The following SPOCK3 variants were observed in gnomAD, a reference collection of about 807,000 sequenced individuals.
SPOCK3 encodes the protein testican-3.
Under a neutral mutation model 56.6 loss-of-function variants are expected in SPOCK3, and 30 were observed. The ratio of observed to expected loss-of-function variants is 0.53; its 90% CI spans 0.40 to 0.72. The LOEUF is 0.72. Among genes scored for constraint, SPOCK3 ranks in the 30% least tolerant of loss-of-function variants. The probability of loss-of-function intolerance (pLI) is 0.00; values close to 1 mark genes in which losing one functional copy is unlikely to be tolerated. For missense variants in SPOCK3, 527 were observed against 530.0 expected (o/e 0.99, Z 0.06); for synonymous variants, 196 against 183.3 (o/e 1.07, Z -0.56).
chr4:166,929,484 G>A (rs1422570587), intron 4 of SPOCK3, among the ~76,000 whole-genome samples: 1 of 152,170 alleles, frequency 6.6e-6, no homozygotes, highest in Non-Finnish European at 1.5e-5. Flanking sequence ...GTTGGGATCA[G>A]TATTTTCTCC....
At chr4:166,982,593 A>G (rs367922641) in intron 4 of SPOCK3, among the ~76,000 whole-genome samples, 2 of 152,132 alleles carry the variant, frequency 1.3e-5, no homozygotes, top group East Asian at 3.9e-4. Flanking sequence ...AATAACTCCT[A>G]TAGGTGAAAA....
intron 2 of SPOCK3, among the ~76,000 whole-genome samples, chr4:167,206,861 AT>A (rs1734390356): frequency 6.6e-6 from 1 of 152,088 alleles, no homozygotes; most frequent in South Asian, 2.1e-4. Flanking sequence ...TAGAAAAAAA[AT>A]CTGTTATAGG....
At chr4:167,116,969 A>G (rs1660379967) in intron 2 of SPOCK3, among the ~76,000 whole-genome samples, 1 of 147,772 alleles carries the variant, frequency 6.8e-6, no homozygotes, top group Non-Finnish European at 1.5e-5. Context: ...ATCCCACCAT[A>G]GAGAAAATTA....
intron 2 of SPOCK3, among the ~76,000 whole-genome samples, chr4:167,210,112 T>TC (rs1734725452): frequency 6.6e-6 from 1 of 152,190 alleles, no homozygotes; most frequent in Non-Finnish European, 1.5e-5. Context: ...CTAACAATTT[T>TC]CAGTCTCCTC....
rs902639705 is a variant in SPOCK3, at chr4:166,742,019, C to A, written c.972G>T (p.Arg324=). 1.5e-5 allele frequency: 24 copies of A among 1,612,640 alleles called. No homozygotes were observed. Among genetic ancestry groups the A allele is most frequent in the Non-Finnish European group, 2.0e-5 (24 of 1,179,080 alleles). ...CQTELSNIQK[R]QGVKKLLGQY... ...CACCTAGGAGCTTCTTTACCCCTTG[C>A]CGCTTCTGAATATTGCTGAGCTCAG... Residue 324 remains arginine, a synonymous_variant, in exon 9 of 11, where the codon CGG becomes CGT. Transcript: ENST00000357545.
chr4:166,899,378 C>A (rs1409109369), intron 5 of SPOCK3, among the ~76,000 whole-genome samples: 2 of 151,794 alleles, frequency 1.3e-5, no homozygotes, highest in Non-Finnish European at 2.9e-5. Flanking sequence ...GCAGATGATA[C>A]CCTGTTGTTT....
intron 4 of SPOCK3, among the ~76,000 whole-genome samples, chr4:166,922,728 C>T (rs1459419061): frequency 1.3e-5 from 2 of 152,162 alleles, no homozygotes; most frequent in Admixed American, 6.5e-5. Flanking sequence ...TTCTGTTGAA[C>T]TCCACTTACA....
intron 4 of SPOCK3, among the ~76,000 whole-genome samples, chr4:166,976,722 C>A (rs1049889116): frequency 4.6e-5 from 7 of 152,086 alleles, no homozygotes; most frequent in African/African-American, 1.7e-4. Flanking sequence ...AAGCACACGA[C>A]ACAAAGAATT....
At chr4:166,885,416 A>G (rs1734087873) in intron 6 of SPOCK3, among the ~76,000 whole-genome samples, 1 of 151,420 alleles carries the variant, frequency 6.6e-6, no homozygotes, top group Admixed American at 6.6e-5. Context: ...CTCTTTGCTC[A>G]AGAACATAAA....
chr4:167,222,243 T>A (rs954114440), intron 2 of SPOCK3, among the ~76,000 whole-genome samples: 11 of 152,000 alleles, frequency 7.2e-5, no homozygotes, highest in Non-Finnish European at 1.5e-4. Flanking sequence ...TCTAAAGTAG[T>A]CAAATTCGTA....
At chr4:167,212,530 G>A (rs1198257855) in intron 2 of SPOCK3, among the ~76,000 whole-genome samples, 1 of 151,986 alleles carries the variant, frequency 6.6e-6, no homozygotes, top group African/African-American at 2.4e-5. Context: ...CGGGAGCCAC[G>A]GCGCCCAGCC....
At chr4:167,182,590 A>C (rs1731579098) in intron 2 of SPOCK3, among the ~76,000 whole-genome samples, 1 of 150,402 alleles carries the variant, frequency 6.6e-6, no homozygotes, top group Admixed American at 6.6e-5. Context: ...CCCAGGCTGG[A>C]GTGTAGTGGT....
At chr4:167,027,678 T>C (rs1751827271) in intron 3 of SPOCK3, among the ~76,000 whole-genome samples, 1 of 152,040 alleles carries the variant, frequency 6.6e-6, no homozygotes, top group Admixed American at 6.6e-5. Flanking sequence ...ATTTCTACAG[T>C]AAAGTAAGCT....
At chr4:166,831,080 A>C (rs533799666) in intron 6 of SPOCK3, among the ~76,000 whole-genome samples, 148 of 152,296 alleles carry the variant, frequency 9.7e-4, no homozygotes, top group African/African-American at 3.3e-3. Flanking sequence ...AAATATCAAA[A>C]ACAAATCTGT....
chr4:166,971,807 C>A (rs1745412245), intron 4 of SPOCK3, among the ~76,000 whole-genome samples: 1 of 152,058 alleles, frequency 6.6e-6, no homozygotes, highest in Non-Finnish European at 1.5e-5. Context: ...AATATTAGGG[C>A]AATTTTCACC....
At chr4:167,108,861 T>C (rs944200391) in intron 2 of SPOCK3, among the ~76,000 whole-genome samples, 7 of 146,408 alleles carry the variant, frequency 4.8e-5, no homozygotes, top group Non-Finnish European at 7.5e-5. Flanking sequence ...GAATACTCCA[T>C]TTACTCTGAT....
chr4:167,231,908 GA>G (rs1256049544), intron 2 of SPOCK3, among the ~76,000 whole-genome samples: 7 of 152,074 alleles, frequency 4.6e-5, no homozygotes, highest in Non-Finnish European at 1.0e-4. Flanking sequence ...AAAACCTGAT[GA>G]AAGTTTTTCA....
intron 4 of SPOCK3, among the ~76,000 whole-genome samples, chr4:166,921,696 C>T (rs896317197): frequency 9.2e-5 from 14 of 152,112 alleles, no homozygotes; most frequent in African/African-American, 3.4e-4. Context: ...AATTGTATCT[C>T]AATACTTTGT....
intron 2 of SPOCK3, among the ~76,000 whole-genome samples, chr4:167,140,769 A>G (rs1693930819): frequency 6.6e-6 from 1 of 151,890 alleles, no homozygotes; most frequent in African/African-American, 2.4e-5. Context: ...GTCTCAGCCC[A>G]CGGTCTGTTC....
Sources: allele counts gnomAD v4.1 joint callset (sites outside exome capture counted in the v4.1 genomes callset), GRCh38; gene constraint gnomAD v4.1.1; transcripts MANE v1.5; gene names NCBI Gene and HGNC (gene_info 2026-07-23, HGNC 2026-07-21).